METTL15: variants seen among roughly 807,000 people sequenced by gnomAD.
METTL15 encodes the protein methyltransferase 15, mitochondrial 12S rRNA N4-cytidine, also known as 12S rRNA N(4)-cytidine methyltransferase METTL15.
METTL15 carries 34 observed loss-of-function variants against 38.3 expected under a neutral mutation model. The observed-to-expected ratio is 0.89, with a 90% CI of 0.68 to 1.18. The LOEUF is 1.18. METTL15 is among the 50% of genes most tolerant of loss of function. The pLI is 0.00. For synonymous variants in METTL15, 162 were observed against 170.9 expected (o/e 0.95, Z 0.41); for missense variants, 438 against 498.4 (o/e 0.88, Z 1.15).
intron 3 of METTL15, among the ~76,000 whole-genome samples, chr11:28,148,467 T>G (rs1849965896): frequency 6.6e-6 from 1 of 151,836 alleles, no homozygotes; most frequent in South Asian, 2.1e-4. Flanking sequence ...CCCTCTACCT[T>G]CTCTCAAAAA....
chr11:28,378,760 A>ATTTTTTTTTT (rs1564912672), intron 5 of METTL15, among the ~76,000 whole-genome samples: 2 of 72,856 alleles, frequency 2.7e-5, no homozygotes, highest in Admixed American at 2.2e-4. Flanking sequence ...CCTCCTCTTC[A>ATTTTTTTTTT]GTTTTTTTTT....
At chr11:28,433,825 T>C (rs1348238652) in intron 6 of METTL15, among the ~76,000 whole-genome samples, 1 of 152,180 alleles carries the variant, frequency 6.6e-6, no homozygotes, top group Non-Finnish European at 1.5e-5. Flanking sequence ...TGAGTTGTCC[T>C]TGATACGTCT....
intron 6 of METTL15, among the ~76,000 whole-genome samples, chr11:28,304,154 TC>T (rs1857001136): frequency 1.3e-5 from 2 of 152,178 alleles, no homozygotes. Context: ...AGTGTGGACT[TC>T]CATTTCCAAT....
rs147270570 is a variant in METTL15, at chr11:28,414,995, GA to G, written c.*359-9300del. On this transcript the variant is annotated intron_variant and NMD_transcript_variant, in intron 5 of 7. Transcript: ENST00000532947. ...GATTCCTTAAGATTCAGAAAATCAAGAAAACCCAACAGGAACTTAAATGCTT... is the reference window on the plus strand; with the variant it reads ...GATTCCTTAAGATTCAGAAAATCAAGAAACCCAACAGGAACTTAAATGCTT... 9.2e-4 allele frequency among the ~76,000 whole-genome samples: 140 copies of G among 152,282 alleles called. 1 individual carries two copies. The highest frequency in any genetic ancestry group is 3.3e-3 in the African/African-American group (136 of 41,564).
chr11:28,190,183 C>T (rs1184884793), intron 3 of METTL15, among the ~76,000 whole-genome samples: 1 of 151,114 alleles, frequency 6.6e-6, no homozygotes, highest in Non-Finnish European at 1.5e-5. Context: ...CTTAATAGTT[C>T]TTCTCTTGCT....
intron 4 of METTL15, among the ~76,000 whole-genome samples, chr11:28,249,797 G>A (rs1163375743): frequency 1.3e-5 from 2 of 151,784 alleles, no homozygotes; most frequent in African/African-American, 4.8e-5. Flanking sequence ...ATGTCATGGA[G>A]GTTTGGCGTA....
At chr11:28,161,046 A>G (rs1021638409) in intron 3 of METTL15, among the ~76,000 whole-genome samples, 1 of 151,594 alleles carries the variant, frequency 6.6e-6, no homozygotes, top group Non-Finnish European at 1.5e-5. Context: ...CACATTAAGT[A>G]TTAAGTATTA....
chr11:28,440,048 C>T (rs937103348), intron 6 of METTL15, among the ~76,000 whole-genome samples: 25 of 152,264 alleles, frequency 1.6e-4, no homozygotes, highest in African/African-American at 5.5e-4. Flanking sequence ...CAGGCTAAGA[C>T]CCTGACTGTG....
chr11:28,217,454 A>G (rs1302717291), intron 4 of METTL15, among the ~76,000 whole-genome samples: 1 of 152,136 alleles, frequency 6.6e-6, no homozygotes, highest in Non-Finnish European at 1.5e-5. Flanking sequence ...GATTCTGGAT[A>G]TTAGCCCTTT....
chr11:28,126,561 T>C (rs1471831118), intron 3 of METTL15, among the ~76,000 whole-genome samples: 1 of 152,126 alleles, frequency 6.6e-6, no homozygotes, highest in Non-Finnish European at 1.5e-5. Context: ...GAGATAGATG[T>C]GGCAATGATT....
intron 5 of METTL15, among the ~76,000 whole-genome samples, chr11:28,389,020 T>C (rs1850472396): frequency 6.6e-6 from 1 of 152,118 alleles, no homozygotes; most frequent in Non-Finnish European, 1.5e-5. Context: ...CTCATCCTTT[T>C]TTATGGCTAC....
rs11461579 is a variant in METTL15 at position 28,163,154 on chromosome 11, G to GAA, written c.271-47903_271-47902dup. 4.3e-4 allele frequency among the ~76,000 whole-genome samples: 66 copies of GAA among 151,838 alleles called. 1 individual carries two copies. Among genetic ancestry groups the GAA allele is most frequent in the Middle Eastern group, 6.8e-3 (2 of 292 alleles). On this transcript the variant is annotated intron_variant, in intron 3 of 6. Transcript: ENST00000407364. ...TGCTGAAAAGTTTAATGTGAAAAGT[G>GAA]AAAAAAGTGTGATTTGTAATACGTA...
rs1458320768 is a variant in METTL15, at chr11:28,390,324, A to G, written c.*358+28288A>G. Among the ~76,000 whole-genome samples the G allele has an allele frequency of 3.4e-4, 51 of 151,328 alleles. No homozygotes were observed. In the East Asian group the frequency reaches 9.7e-3, roughly 29 times the overall value. ...TGCCCATGCCTATGTCCTGAATGGTAATGCCTAGGTTTTCTTCTAGGGTTT... is the reference window on the plus strand; with the variant it reads ...TGCCCATGCCTATGTCCTGAATGGTGATGCCTAGGTTTTCTTCTAGGGTTT... On this transcript the variant is annotated intron_variant and NMD_transcript_variant, in intron 5 of 7. Coordinates refer to the METTL15 transcript ENST00000532947.
At chr11:28,285,600 T>C (rs1032441763) in intron 4 of METTL15, among the ~76,000 whole-genome samples, 8 of 152,142 alleles carry the variant, frequency 5.3e-5, no homozygotes, top group Non-Finnish European at 1.2e-4. Flanking sequence ...TGGGTTCTTA[T>C]AACTTAAAAC....
At chr11:28,142,014 G>A (rs939318536) in intron 3 of METTL15, among the ~76,000 whole-genome samples, 27 of 152,190 alleles carry the variant, frequency 1.8e-4, no homozygotes, top group African/African-American at 6.3e-4. Context: ...GAAGTGAGAT[G>A]AAGTCAGCTA....
At position 28,269,567 on chromosome 11, in the gene METTL15, T is replaced by A. The variant is rs183496583; in HGVS notation, c.408-20639T>A. On this transcript the variant is annotated intron_variant, in intron 4 of 6. Coordinates refer to ENST00000407364, the MANE Select transcript of METTL15 (RefSeq NM_001113528.2). Reference sequence around the variant, plus strand: ...TTGTTGTTATTACTATGGATATGGATGTTGATTAGCTGCATAGTACTACCA... The same window carrying A: ...TTGTTGTTATTACTATGGATATGGAAGTTGATTAGCTGCATAGTACTACCA... Among the ~76,000 whole-genome samples, 13 of 152,294 alleles carry A rather than the reference T, an allele frequency of 8.5e-5. No individual in the cohort carries two copies. The South Asian group carries it at 1.2e-3, about 15-fold the overall frequency.
At chr11:28,363,134 G>T (rs539838842) in intron 5 of METTL15, among the ~76,000 whole-genome samples, 15 of 151,888 alleles carry the variant, frequency 9.9e-5, no homozygotes, top group African/African-American at 3.6e-4. Context: ...TTTATGTGTT[G>T]TTGGCCACTT....
intron 5 of METTL15, among the ~76,000 whole-genome samples, chr11:28,370,013 G>T (rs775179570): frequency 3.3e-5 from 5 of 152,146 alleles, no homozygotes; most frequent in African/African-American, 1.2e-4. Flanking sequence ...AATTTATAAA[G>T]ATCAAATCAG....
At chr11:28,482,157 G>T (rs58281526) in intron 6 of METTL15, among the ~76,000 whole-genome samples, 14,843 of 152,158 alleles carry the variant, frequency 0.098, 1,104 homozygotes, top group East Asian at 0.36. Flanking sequence ...AAGTGGGGAA[G>T]CTGTCTTCAC....
Sources: allele counts gnomAD v4.1 joint callset (sites outside exome capture counted in the v4.1 genomes callset), GRCh38; gene constraint gnomAD v4.1.1; transcripts MANE v1.5; gene names NCBI Gene and HGNC (gene_info 2026-07-23, HGNC 2026-07-21).